Variants in MIER2 observed in about 807,000 individuals in gnomAD.
MIER2 encodes the protein mesoderm induction early response protein 2.
In MIER2, 30 loss-of-function variants were observed where a neutral mutation model predicts 67.6. That is an observed-to-expected ratio of 0.44 (90% confidence interval 0.33 to 0.60). The LOEUF (loss-of-function observed/expected upper bound fraction) is 0.60, where lower values mean the gene tolerates loss of function less well. MIER2 is among the 20% of genes least tolerant of loss of function. MIER2 has a pLI of 0.02. For missense variants in MIER2, 702 were observed against 745.1 expected (o/e 0.94, Z 0.67); for synonymous variants, 372 against 312.6 (o/e 1.19, Z -2.00).
intron 9 of MIER2, 63 bp downstream of exon 9, chr19:312,128 G>A: frequency 8.5e-7 from 1 of 1,173,764 alleles, no homozygotes; most frequent in Middle Eastern, 2.1e-4. Context: ...CCAGGCCGGG[G>A]AGAACGGTCA....
intron 7 of MIER2, among the ~76,000 whole-genome samples, chr19:319,817 T>C (rs1051634221): frequency 7.2e-5 from 11 of 151,986 alleles, no homozygotes; most frequent in Non-Finnish European, 1.6e-4. Flanking sequence ...TCCAAACACA[T>C]TCACGAAAGC....
At chr19:322,578 C>A (rs977934720) in intron 7 of MIER2, among the ~76,000 whole-genome samples, 1 of 152,058 alleles carries the variant, frequency 6.6e-6, no homozygotes. Flanking sequence ...AGTACACCTG[C>A]GAAAGGTGCT....
chr19:309,051 A>G (rs1970800695), intron 10 of MIER2, 126 bp from the exon 11 acceptor site: 1 of 1,359,806 alleles, frequency 7.4e-7, no homozygotes, highest in Admixed American at 2.2e-5. Flanking sequence ...CCACTCTCAG[A>G]TAACGCAAGA....
chr19:315,497 G>A (rs1158545834), intron 7 of MIER2, among the ~76,000 whole-genome samples: 2 of 152,240 alleles, frequency 1.3e-5, no homozygotes, highest in Non-Finnish European at 2.9e-5. Context: ...AAACGCCGGA[G>A]AGTCTCAGCA....
rs966036903 is a variant in MIER2 at position 339,396 on chromosome 19, C to T, written c.10-3223G>A. On this transcript the variant is annotated intron_variant, in intron 1 of 13. Transcript: ENST00000264819. ...GCAAAAGCAAGCAAAGTCCACACTA[C>T]GATACCACTTCCTAATCAGAGAATA... 7.2e-5 allele frequency among the ~76,000 whole-genome samples: 11 copies of T among 152,126 alleles called. 1 individual carries two copies. Among genetic ancestry groups the T allele is most frequent in the South Asian group, 6.2e-4 (3 of 4,832 alleles).
intron 1 of MIER2, among the ~76,000 whole-genome samples, chr19:336,739 A>T (rs1190298680): frequency 6.6e-6 from 1 of 152,180 alleles, no homozygotes; most frequent in African/African-American, 2.4e-5. Flanking sequence ...AAATCAATGA[A>T]TTATAAACTT....
chr19:310,892 C>T (rs1970970601), intron 10 of MIER2, among the ~76,000 whole-genome samples: 3 of 152,146 alleles, frequency 2.0e-5, no homozygotes, highest in Non-Finnish European at 4.4e-5. Context: ...TTGACAGGGG[C>T]TCCAAGTGTA....
intron 1 of MIER2, chr19:343,688 G>A (rs1382162125): frequency 1.3e-5 from 5 of 378,424 alleles, no homozygotes; most frequent in Non-Finnish European, 1.8e-5. Context: ...TTTTCCTTTG[G>A]GCTCTATCCC....
chr19:311,698 G>A, intron 10 of MIER2, 147 bp downstream of exon 10: 1 of 696,624 alleles, frequency 1.4e-6, no homozygotes, highest in East Asian at 2.7e-5. Flanking sequence ...AAAAAATGCA[G>A]AAGACAGCAA....
chr19:311,806 C>A (rs777147598), intron 10 of MIER2, 39 bp downstream of exon 10: 4 of 1,606,200 alleles, frequency 2.5e-6, no homozygotes, highest in Non-Finnish European at 3.4e-6. Flanking sequence ...CTCCCCAGAT[C>A]GAGAAGCCCC....
In MIER2 at chr19:312,207, G is replaced by A. The variant is rs145604350; in HGVS notation, c.873C>T (p.Asn291=). ...VEEALRRLRF[N]VKVIRDGLCA... ...GCTGCTCACCTCGGATCACCTTCAC[G>A]TTGAACCGCAGCCTTCGCAGGGCCT... Residue 291 remains asparagine, a synonymous_variant, in exon 9 of 14, where the codon AAC becomes AAT. Transcript: ENST00000264819. 39 of 1,613,756 alleles carry A rather than the reference G, an allele frequency of 2.4e-5. No individual in the cohort carries two copies. In the Middle Eastern group the frequency reaches 4.9e-4, roughly 20 times the overall value.
intron 3 of MIER2, among the ~76,000 whole-genome samples, chr19:329,153 C>T (rs1971908675): frequency 6.6e-6 from 1 of 152,136 alleles, no homozygotes; most frequent in Non-Finnish European, 1.5e-5. Context: ...CACTGGCCTC[C>T]CCTCCACCCC....
intron 1 of MIER2, 136 bp downstream of exon 1, chr19:344,638 C>T (rs1336386547): frequency 1.2e-5 from 6 of 497,748 alleles, no homozygotes; most frequent in Non-Finnish European, 1.3e-5. Flanking sequence ...CCCGGACGGG[C>T]CAGGCGCCCC....
At chr19:330,397 A>C (rs575865081) in intron 3 of MIER2, 17 of 151,922 alleles carry the variant, frequency 1.1e-4, no homozygotes, top group African/African-American at 4.1e-4. Flanking sequence ...AAAATACAAA[A>C]AATTAGCCAG....
chr19:319,080 A>C (rs1971385867), intron 7 of MIER2, among the ~76,000 whole-genome samples: 3 of 148,420 alleles, frequency 2.0e-5, no homozygotes, highest in Admixed American at 2.0e-4. Context: ...AATCAGTAAA[A>C]AGGCTGGGTG....
chr19:342,714 T>C (rs564648968), intron 1 of MIER2, among the ~76,000 whole-genome samples: 3 of 151,712 alleles, frequency 2.0e-5, no homozygotes, highest in Admixed American at 1.3e-4. Flanking sequence ...GATCACGTGC[T>C]ATAAAGTTAC....
chr19:330,447 G>A (rs1370416313), intron 3 of MIER2: 1 of 151,812 alleles, frequency 6.6e-6, no homozygotes, highest in African/African-American at 2.4e-5. Context: ...TACTCGGGAG[G>A]CTGAGGGAGG....
rs4897944 is a variant in MIER2, at chr19:308,092, C to T, written c.1198+485G>A. ...AAAGGATCCTCGTTTGCACCCTCCC[C>T]GTGTGGGTCTCCACCTTCGGACGCC... On this transcript the variant is annotated intron_variant, in intron 12 of 13. Coordinates refer to ENST00000264819, the MANE Select transcript of MIER2 (RefSeq NM_017550.3). The surrounding 1 kb of genome is among the most constrained non-coding windows in gnomAD (Gnocchi z 9.1). Among the ~76,000 whole-genome samples, 1,731 of 152,296 alleles carry T rather than the reference C, an allele frequency of 0.011. 71 individuals carry two copies. The highest frequency in any genetic ancestry group is 0.098 in the Admixed American group (1,499 of 15,302).
Position 327,260 on chromosome 19 carries a change from T to TAAAA in MIER2, c.370-8_370-5dup. On this transcript the variant is annotated splice_region_variant and splice_polypyrimidine_tract_variant and intron_variant, in intron 4 of 13. Coordinates refer to ENST00000264819, the MANE Select transcript of MIER2 (RefSeq NM_017550.3). ...GCAAATCCTTCGCTATTTGTTCCTT[T>TAAAA]AAAAAAAAAAAAAAAAGTAAAGAAC... 10 of 1,461,594 alleles carry TAAAA rather than the reference T, an allele frequency of 6.8e-6. No individual in the cohort carries two copies. Among genetic ancestry groups the TAAAA allele is most frequent in the Admixed American group, 4.7e-5 (2 of 42,784 alleles). 90.5% of individuals were successfully genotyped at this position (1,461,594 alleles called of 1,614,324 possible). A position where few individuals can be genotyped will look rare whatever the true frequency, so the allele number is the denominator to read the frequency against.
Sources: allele counts gnomAD v4.1 joint callset (sites outside exome capture counted in the v4.1 genomes callset), GRCh38; gene constraint gnomAD v4.1.1; non-coding constraint Gnocchi (gnomAD v3.1); transcripts MANE v1.5; gene names NCBI Gene and HGNC (gene_info 2026-07-23, HGNC 2026-07-21).